The following PRR33 variants were observed in gnomAD, a reference collection of about 807,000 sequenced individuals.
The protein encoded by PRR33 is proline-rich protein 33.
PRR33 carries 1 observed loss-of-function variant against 0.5 expected under a neutral mutation model. The observed-to-expected ratio is 2.18, with a 90% CI of 0.77 to 10.34. PRR33 has a LOEUF of 10.34. PRR33 is among the 30% of genes most tolerant of loss of function. The pLI is 0.13. For synonymous variants in PRR33, 226 were observed against 110.0 expected (o/e 2.06, Z -6.60); for missense variants, 552 against 251.8 (o/e 2.19, Z -8.07).
At chr11:1,889,773 G>T (rs766553804) in exon 1 of PRR33, 11 of 649,500 alleles carry the variant, frequency 1.7e-5, no homozygotes, top group Non-Finnish European at 2.8e-5. Context: ...GCAGGTCGGG[G>T]CTATGGGCAC....
the PRR33 span, among the ~76,000 whole-genome samples, chr11:1,898,402 A>G: frequency 6.6e-6 from 1 of 151,898 alleles, no homozygotes; most frequent in African/African-American, 2.4e-5. Context: ...TACCCAGCTT[A>G]TTTTTAATAT....
chr11:1,904,390 A>T, the PRR33 span, among the ~76,000 whole-genome samples: 1 of 151,996 alleles, frequency 6.6e-6, no homozygotes, highest in Non-Finnish European at 1.5e-5. Flanking sequence ...TTAGCCAGGC[A>T]TGGTGGTGCA....
At chr11:1,914,776 G>T in the PRR33 span, among the ~76,000 whole-genome samples, 3 of 148,116 alleles carry the variant, frequency 2.0e-5, no homozygotes, top group Non-Finnish European at 4.5e-5. Flanking sequence ...GTCTTTGTGT[G>T]TGTGGGTTGT....
chr11:1,904,029 T>TA, the PRR33 span, among the ~76,000 whole-genome samples: 8 of 152,080 alleles, frequency 5.3e-5, no homozygotes, highest in East Asian at 3.9e-4. Context: ...CCAGCTTAGA[T>TA]AAAAAAATTT....
chr11:1,892,578 C>A (rs117696125), upstream of PRR33, among the ~76,000 whole-genome samples: 1 of 152,130 alleles, frequency 6.6e-6, no homozygotes, highest in African/African-American at 2.4e-5. Context: ...AGATCCACCT[C>A]GGGGCCTCCC....
chr11:1,906,992 C>A, the PRR33 span, among the ~76,000 whole-genome samples: 6 of 152,362 alleles, frequency 3.9e-5, no homozygotes, highest in Admixed American at 3.3e-4. Flanking sequence ...CGCACTGAGG[C>A]CTGGAAACCC....
chr11:1,898,251 T>TG, the PRR33 span, among the ~76,000 whole-genome samples: 1 of 152,052 alleles, frequency 6.6e-6, no homozygotes, highest in Non-Finnish European at 1.5e-5. Context: ...TTTTTTTTTT[T>TG]TGAGACCGAG....
exon 1 of PRR33, chr11:1,890,446 G>A (rs574541532): frequency 2.6e-5 from 19 of 717,172 alleles, no homozygotes; most frequent in South Asian, 1.9e-4. Context: ...ATCTTCTTCC[G>A]GGCTGCCTTC....
the PRR33 span, among the ~76,000 whole-genome samples, chr11:1,913,697 C>G: frequency 9.2e-5 from 14 of 152,260 alleles, no homozygotes; most frequent in African/African-American, 3.1e-4. Flanking sequence ...GGGGCATTCT[C>G]GTGTCCATGG....
At chr11:1,906,837 C>A in the PRR33 span, among the ~76,000 whole-genome samples, 41 of 152,204 alleles carry the variant, frequency 2.7e-4, 1 homozygote, top group Admixed American at 2.2e-3. Context: ...ATGGCTCAGT[C>A]CCTAATACTC....
At chr11:1,905,834 TG>T in the PRR33 span, among the ~76,000 whole-genome samples, 1 of 151,718 alleles carries the variant, frequency 6.6e-6, no homozygotes, top group Non-Finnish European at 1.5e-5. Flanking sequence ...TTTCTTTTTG[TG>T]GGGGGGACAG....
the PRR33 span, among the ~76,000 whole-genome samples, chr11:1,906,785 T>G: frequency 6.6e-6 from 1 of 152,202 alleles, no homozygotes; most frequent in Non-Finnish European, 1.5e-5. Context: ...TCCTTTCGGA[T>G]TGTGCTTTCC....
chr11:1,889,695 G>T (rs1848908281), exon 1 of PRR33: 1 of 640,082 alleles, frequency 1.6e-6, no homozygotes, highest in South Asian at 1.8e-5. Context: ...AGCCATCGGG[G>T]GCTCCTCCAG....
At chr11:1,900,292 T>G in the PRR33 span, among the ~76,000 whole-genome samples, 5 of 152,332 alleles carry the variant, frequency 3.3e-5, no homozygotes, top group Non-Finnish European at 7.3e-5. Flanking sequence ...ACGATGGATT[T>G]AATTCAAATT....
At chr11:1,902,775 T>C in the PRR33 span, 1 of 152,286 alleles carries the variant, frequency 6.6e-6, no homozygotes, top group South Asian at 2.1e-4. Flanking sequence ...AGTAAAGGAA[T>C]AAAGAATGGC....
At chr11:1,888,295 C>T (rs1047842462) in exon 1 of PRR33, among the ~76,000 whole-genome samples, 2 of 152,190 alleles carry the variant, frequency 1.3e-5, no homozygotes, top group Non-Finnish European at 2.9e-5. Context: ...GAGTAGGCCC[C>T]TCCACTCTCC....
chr11:1,901,618 C>G, the PRR33 span, among the ~76,000 whole-genome samples: 1 of 152,134 alleles, frequency 6.6e-6, no homozygotes, highest in Non-Finnish European at 1.5e-5. Flanking sequence ...AAAAAGATAA[C>G]TCTTAGGTGA....
the PRR33 span, among the ~76,000 whole-genome samples, chr11:1,911,619 C>T: frequency 6.6e-6 from 1 of 151,852 alleles, no homozygotes; most frequent in South Asian, 2.1e-4. Context: ...TGGGGTTTCA[C>T]CCTGTTGGCC....
the PRR33 span, among the ~76,000 whole-genome samples, chr11:1,905,554 T>C: frequency 6.7e-6 from 1 of 150,344 alleles, no homozygotes; most frequent in Non-Finnish European, 1.5e-5. Context: ...TCCTCGTGCC[T>C]CAGCCTCTCT....
Sources: gnomAD v4.1 joint callset for allele counts (sites outside exome capture counted in the v4.1 genomes callset) on GRCh38, gnomAD v4.1.1 for gene constraint, MANE v1.5 for transcripts, NCBI Gene and HGNC (gene_info 2026-07-23, HGNC 2026-07-21) for gene names.